Variants in TNFRSF21 observed in about 807,000 individuals in gnomAD.
TNFRSF21 encodes tumor necrosis factor receptor superfamily member 21.
A neutral mutation model predicts 45.6 loss-of-function variants in TNFRSF21; 19 were observed. The ratio of observed to expected loss-of-function variants is 0.42; its 90% confidence interval spans 0.29 to 0.61. The LOEUF is 0.61. Ranked by LOEUF, TNFRSF21 falls within the 20% of genes least tolerant of loss-of-function variation. The probability of loss-of-function intolerance (pLI) is 0.23; values close to 1 mark genes in which losing one functional copy is unlikely to be tolerated. For missense variants in TNFRSF21, 737 were observed against 851.5 expected (o/e 0.87, Z 1.67); for synonymous variants, 314 against 335.5 (o/e 0.94, Z 0.70).
At chr6:47,304,295 A>C (rs76018580) in intron 1 of TNFRSF21, among the ~76,000 whole-genome samples, 30 of 32,294 alleles carry the variant, frequency 9.3e-4, no homozygotes, top group African/African-American at 3.7e-3. Flanking sequence ...AAAAAAAACC[A>C]AAAAAAAAAA....
At chr6:47,298,191 G>T (rs1159338709) in intron 1 of TNFRSF21, among the ~76,000 whole-genome samples, 1 of 150,992 alleles carries the variant, frequency 6.6e-6, no homozygotes, top group Non-Finnish European at 1.5e-5. Flanking sequence ...TCTTAAAAGA[G>T]TGAGCATGGG....
chr6:47,268,431 A>G (rs1319564230), intron 3 of TNFRSF21, among the ~76,000 whole-genome samples: 3 of 152,226 alleles, frequency 2.0e-5, no homozygotes, highest in Non-Finnish European at 4.4e-5. Context: ...AAACTGAGTT[A>G]AAGTCAGAGA....
At chr6:47,248,438 A>G (rs1764852932) in intron 4 of TNFRSF21, among the ~76,000 whole-genome samples, 1 of 151,988 alleles carries the variant, frequency 6.6e-6, no homozygotes, top group African/African-American at 2.4e-5. Context: ...GAAAGAGTGC[A>G]CTGGTTAAGT....
Position 47,309,812 on chromosome 6 carries a change from G to A in TNFRSF21, c.-301C>T, listed in dbSNP as rs958541047. Reference sequence around the variant, plus strand: ...TGAGGAGAACCAGGGAGGAGGACTGGGCGCGAGAGAGCAAAGGAACGACTT... The same window carrying A: ...TGAGGAGAACCAGGGAGGAGGACTGAGCGCGAGAGAGCAAAGGAACGACTT... On this transcript the variant is annotated 5_prime_UTR_variant, in exon 1 of 6. Coordinates refer to ENST00000296861, the MANE Select transcript of TNFRSF21 (RefSeq NM_014452.5). 5 of 324,494 alleles carry A rather than the reference G, an allele frequency of 1.5e-5. No individual in the cohort carries two copies. Among genetic ancestry groups the A allele is most frequent in the Non-Finnish European group, 2.2e-5 (4 of 178,438 alleles). 20.1% of individuals were successfully genotyped at this position (324,494 alleles called of 1,614,324 possible). A position where few individuals can be genotyped will look rare whatever the true frequency, so the allele number is the denominator to read the frequency against.
At position 47,287,331 on chromosome 6, in the gene TNFRSF21, AAAAG is replaced by A. The variant is rs1440686728; in HGVS notation, c.97-740_97-737del. Among the ~76,000 whole-genome samples the A allele has an allele frequency of 2.1e-3, 305 of 148,544 alleles. 4 individuals carry two copies. Among genetic ancestry groups the A allele is most frequent in the Admixed American group, 0.018 (269 of 14,854 alleles). On this transcript the variant is annotated intron_variant, in intron 1 of 5. Coordinates refer to ENST00000296861, the MANE Select transcript of TNFRSF21 (RefSeq NM_014452.5). Reference sequence around the variant, plus strand: ...TCAAAAAAAAAAAAAAAAAAAAAAAAAAAGAAAAGAAAAATTGTATACTAGTCAA... The same window carrying A: ...TCAAAAAAAAAAAAAAAAAAAAAAAAAAAAGAAAAATTGTATACTAGTCAA...
Position 47,286,105 on chromosome 6 carries a change from T to C in TNFRSF21, c.587A>G (p.Asn196Ser). The change falls in exon 2 of 6, where the codon AAC (asparagine) becomes AGC (serine). Residue 196 changes from asparagine to serine, a missense_variant. Coordinates refer to ENST00000296861, the MANE Select transcript of TNFRSF21 (RefSeq NM_014452.5). ...CKAYTDCLSQ[N>S]LVVIKPGTKE... ...GGTCCCCGGCTTGATCACCACCAGG[T>C]TCTGACTCAGACAGTCTGTGTATGC... 4 of 1,614,170 alleles carry C rather than the reference T, an allele frequency of 2.5e-6. No homozygotes were observed. The highest frequency in any genetic ancestry group is 3.4e-6 in the Non-Finnish European group (4 of 1,180,040).
chr6:47,238,180 A>T (rs1448976224), intron 4 of TNFRSF21, among the ~76,000 whole-genome samples: 1 of 152,266 alleles, frequency 6.6e-6, no homozygotes, highest in East Asian at 1.9e-4. Flanking sequence ...TGGCTGTAGC[A>T]GCTCTTATTT....
At chr6:47,258,394 T>A (rs1294803658) in intron 3 of TNFRSF21, among the ~76,000 whole-genome samples, 1 of 145,734 alleles carries the variant, frequency 6.9e-6, no homozygotes, top group Non-Finnish European at 1.5e-5. Flanking sequence ...TAAAAGTAAT[T>A]GTGGTTTTTT....
intron 3 of TNFRSF21, among the ~76,000 whole-genome samples, chr6:47,260,608 A>G (rs1331947642): frequency 6.6e-6 from 1 of 152,208 alleles, no homozygotes; most frequent in Admixed American, 6.5e-5. Flanking sequence ...GAAAATGTGA[A>G]GGCTGTTTTC....
At chr6:47,237,018 T>G (rs1210161646) in intron 4 of TNFRSF21, among the ~76,000 whole-genome samples, 1 of 152,198 alleles carries the variant, frequency 6.6e-6, no homozygotes, top group Admixed American at 6.5e-5. Context: ...TAGTAAAACT[T>G]AAGCACATGA....
intron 3 of TNFRSF21, among the ~76,000 whole-genome samples, chr6:47,268,690 T>C (rs1024945880): frequency 6.6e-6 from 1 of 152,158 alleles, no homozygotes; most frequent in Admixed American, 6.6e-5. Context: ...GGTAGACACA[T>C]ACCGCTTCCC....
chr6:47,273,595 A>C (rs9463319), intron 3 of TNFRSF21, among the ~76,000 whole-genome samples: 89,373 of 152,036 alleles, frequency 0.59, 28,156 homozygotes, highest in African/African-American at 0.83. Context: ...CCTTTGAAAA[A>C]TGGCACAAGA....
At chr6:47,234,933 G>GAAA in intron 4 of TNFRSF21, 35 bp from the exon 5 acceptor site, 1 of 1,117,978 alleles carries the variant, frequency 8.9e-7, no homozygotes, top group South Asian at 2.9e-5. Context: ...ATTATATATA[G>GAAA]AAAAAAAAAC....
chr6:47,307,194 T>C (rs1762952119), intron 1 of TNFRSF21, among the ~76,000 whole-genome samples: 1 of 152,186 alleles, frequency 6.6e-6, no homozygotes, highest in South Asian at 2.1e-4. Context: ...TTCATGAATT[T>C]ACCTGAAGTC....
Position 47,240,401 on chromosome 6 carries a change from T to C in TNFRSF21, c.1510-5503A>G, listed in dbSNP as rs528177049. 1.4e-3 allele frequency among the ~76,000 whole-genome samples: 219 copies of C among 152,332 alleles called. 1 individual carries two copies. The highest frequency in any genetic ancestry group is 2.6e-3 in the Non-Finnish European group (175 of 68,030). On this transcript the variant is annotated intron_variant, in intron 4 of 5. Coordinates refer to ENST00000296861, the MANE Select transcript of TNFRSF21 (RefSeq NM_014452.5). The stretch of plus-strand genomic sequence containing the variant: ...TGAAGAAATAAGCCATTGCCAATAC[T>C]GTGCTAGGTGATTCAGCAGAAAATA...
chr6:47,234,806 A>G lies in TNFRSF21; in HGVS notation c.1602T>C (p.Ala534=), dbSNP rs1764640519. Residue 534 remains alanine (A), a synonymous_variant, in exon 5 of 6, where the codon GCT becomes GCC. Coordinates refer to ENST00000296861, the MANE Select transcript of TNFRSF21 (RefSeq NM_014452.5). The part of the protein sequence containing the change: ...PSPNAKLENS[A]LLTVEPSPQD... Reference sequence around the variant, plus strand: ...GTGGGGAAGGCTCCACCGTCAGGAGAGCGGAATTCTCAAGTTTCGCGTTGG... The same window carrying G: ...GTGGGGAAGGCTCCACCGTCAGGAGGGCGGAATTCTCAAGTTTCGCGTTGG... 6.4e-7 allele frequency: 1 copy of G among 1,571,264 alleles called. No individual in the cohort carries two copies. The highest frequency in any genetic ancestry group is 1.4e-5 in the African/African-American group (1 of 72,324).
intron 1 of TNFRSF21, among the ~76,000 whole-genome samples, chr6:47,303,540 T>C (rs912460335): frequency 1.3e-5 from 2 of 152,138 alleles, no homozygotes; most frequent in African/African-American, 4.8e-5. Context: ...TCAAGAACAG[T>C]GAGATCACTA....
chr6:47,237,995 A>G (rs1764684195), intron 4 of TNFRSF21, among the ~76,000 whole-genome samples: 1 of 152,212 alleles, frequency 6.6e-6, no homozygotes, highest in Admixed American at 6.5e-5. Flanking sequence ...GGTTGCAGTG[A>G]GCCAAGATCG....
chr6:47,293,772 C>T (rs1464515746), intron 1 of TNFRSF21, among the ~76,000 whole-genome samples: 1 of 152,210 alleles, frequency 6.6e-6, no homozygotes, highest in Non-Finnish European at 1.5e-5. Context: ...GGATGAAAGG[C>T]AAAGTCTTTA....
Sources: allele counts gnomAD v4.1 joint callset (sites outside exome capture counted in the v4.1 genomes callset), GRCh38; gene constraint gnomAD v4.1.1; transcripts MANE v1.5; gene names NCBI Gene and HGNC (gene_info 2026-07-23, HGNC 2026-07-21).